ZNF469: variants seen among roughly 807,000 people sequenced by gnomAD.
ZNF469 encodes zinc finger protein 469.
Under a neutral mutation model 1.0 loss-of-function variants are expected in ZNF469, and 1 was observed. The observed-to-expected ratio is 1.00, with a 90% CI of 0.35 to 4.73. ZNF469 has a LOEUF of 4.73. ZNF469 is among the 30% of genes most tolerant of loss of function. The pLI, the probability that ZNF469 is intolerant of heterozygous loss-of-function variation, is 0.16. For synonymous variants in ZNF469, 2,703 were observed against 2,363.4 expected, an observed-to-expected ratio of 1.14 and a Z score of -4.17; for missense variants, 6,100 against 5,356.3, an observed-to-expected ratio of 1.14 and a Z score of -4.33.
chr16:88,206,548 G>C, the ZNF469 span, among the ~76,000 whole-genome samples: 5 of 152,110 alleles, frequency 3.3e-5, no homozygotes, highest in East Asian at 7.8e-4. Context: ...TACCACAATC[G>C]TGTTCTTTAT....
chr16:88,142,501 C>T, the ZNF469 span, among the ~76,000 whole-genome samples: 1 of 152,224 alleles, frequency 6.6e-6, no homozygotes, highest in East Asian at 1.9e-4. Flanking sequence ...CAGTGTGAGC[C>T]TCAAGCACTG....
chr16:88,400,901 C>G (rs562067252), intron 1 of ZNF469, among the ~76,000 whole-genome samples: 1 of 151,462 alleles, frequency 6.6e-6, no homozygotes, highest in South Asian at 2.1e-4. Context: ...CAGGGGGTGG[C>G]GGGGGCAGGA....
At chr16:88,187,486 G>A in the ZNF469 span, among the ~76,000 whole-genome samples, 1 of 152,206 alleles carries the variant, frequency 6.6e-6, no homozygotes, top group Non-Finnish European at 1.5e-5. Context: ...TGTGAATTAC[G>A]CCAATTACAG....
the ZNF469 span, among the ~76,000 whole-genome samples, chr16:88,231,164 C>T: frequency 1.3e-5 from 2 of 152,144 alleles, no homozygotes; most frequent in Non-Finnish European, 1.5e-5. The surrounding 1 kb of genome is among the most constrained non-coding windows in gnomAD (Gnocchi z 4.5). Context: ...ATGGCATTGC[C>T]TGGGGGACTT....
At chr16:88,267,547 T>C in the ZNF469 span, among the ~76,000 whole-genome samples, 1 of 152,192 alleles carries the variant, frequency 6.6e-6, no homozygotes, top group Non-Finnish European at 1.5e-5. Context: ...AAGAGCCTAC[T>C]TTTCCCGGCT....
the ZNF469 span, among the ~76,000 whole-genome samples, chr16:88,299,867 C>CCT: frequency 6.6e-6 from 1 of 152,168 alleles, no homozygotes; most frequent in Non-Finnish European, 1.5e-5. Flanking sequence ...CTGGAGTTTC[C>CCT]CTCTGAGGCC....
the ZNF469 span, among the ~76,000 whole-genome samples, chr16:88,169,047 G>C: frequency 2.4e-3 from 370 of 152,238 alleles, no homozygotes; most frequent in Non-Finnish European, 4.1e-3. The surrounding 1 kb of genome is among the most constrained non-coding windows in gnomAD (Gnocchi z 6.1). Flanking sequence ...TTCACGTTGG[G>C]GGACAGAGTG....
the ZNF469 span, among the ~76,000 whole-genome samples, chr16:88,237,956 G>C: frequency 6.6e-6 from 1 of 152,226 alleles, no homozygotes; most frequent in Non-Finnish European, 1.5e-5. Context: ...TCTTCACCTA[G>C]CAGCACCTAA....
At chr16:88,194,211 C>A in the ZNF469 span, 1 of 152,306 alleles carries the variant, frequency 6.6e-6, no homozygotes, top group Non-Finnish European at 1.5e-5. Flanking sequence ...CCTGCTCAGG[C>A]CACACGGCCT....
the ZNF469 span, among the ~76,000 whole-genome samples, chr16:88,333,590 G>A: frequency 9.2e-5 from 14 of 152,142 alleles, no homozygotes; most frequent in Non-Finnish European, 1.5e-5. Context: ...GTGACTGAGC[G>A]ACAGTTACAA....
intron 1 of ZNF469, among the ~76,000 whole-genome samples, chr16:88,398,907 C>G (rs62047071): frequency 0.26 from 40,045 of 152,226 alleles, 6,002 homozygotes; most frequent in African/African-American, 0.41. Context: ...TGCACTCACT[C>G]TGACCTGCAC....
chr16:88,189,677 T>C, the ZNF469 span, among the ~76,000 whole-genome samples: 1 of 152,228 alleles, frequency 6.6e-6, no homozygotes, highest in East Asian at 1.9e-4. This position sits in a 1 kb window ranked among gnomAD's most constrained non-coding sequence, Gnocchi z 4.3. Flanking sequence ...CCCAGCACTT[T>C]GGGAGGCCGA....
chr16:88,262,133 A>C, the ZNF469 span, among the ~76,000 whole-genome samples: 1 of 152,060 alleles, frequency 6.6e-6, no homozygotes, highest in Non-Finnish European at 1.5e-5. The surrounding 1 kb of genome is among the most constrained non-coding windows in gnomAD (Gnocchi z 4.3). Flanking sequence ...GATTGTAGAG[A>C]CTATGTCTCC....
chr16:88,123,122 T>C, the ZNF469 span, among the ~76,000 whole-genome samples: 1 of 152,196 alleles, frequency 6.6e-6, no homozygotes, highest in Admixed American at 6.5e-5. Context: ...ATTTTTGCAC[T>C]CACATAGCCA....
the ZNF469 span, among the ~76,000 whole-genome samples, chr16:88,358,024 G>T: frequency 2.0e-5 from 3 of 152,370 alleles, no homozygotes; most frequent in East Asian, 5.8e-4. Flanking sequence ...GAGGGAGTGA[G>T]TGGTCACATG....
At chr16:88,137,586 A>ACCGC in the ZNF469 span, among the ~76,000 whole-genome samples, 1 of 152,218 alleles carries the variant, frequency 6.6e-6, no homozygotes, top group Non-Finnish European at 1.5e-5. Flanking sequence ...ATACATGCAT[A>ACCGC]CAACTGTGCA....
intron 1 of ZNF469, among the ~76,000 whole-genome samples, chr16:88,397,283 T>C (rs1904713371): frequency 6.6e-6 from 1 of 152,238 alleles, no homozygotes; most frequent in South Asian, 2.1e-4. Flanking sequence ...ATGGATGTGG[T>C]GCCCTGGCTT....
the ZNF469 span, among the ~76,000 whole-genome samples, chr16:88,256,895 C>CTTTCT: frequency 3.7e-4 from 19 of 51,474 alleles, 4 homozygotes; most frequent in African/African-American, 6.2e-4. Flanking sequence ...CTTTTCTTTC[C>CTTTCT]TTCTTTCTTT....
chr16:88,163,837 T>C, the ZNF469 span, among the ~76,000 whole-genome samples: 3 of 150,330 alleles, frequency 2.0e-5, no homozygotes, highest in African/African-American at 4.9e-5. Context: ...GGATGGTAGA[T>C]GTACAGACGG....
Sources: gnomAD v4.1 joint callset for allele counts (sites outside exome capture counted in the v4.1 genomes callset) on GRCh38, gnomAD v4.1.1 for gene constraint, Gnocchi (gnomAD v3.1) non-coding constraint, MANE v1.5 for transcripts, NCBI Gene and HGNC (gene_info 2026-07-23, HGNC 2026-07-21) for gene names.